TNFSF4: variants seen among roughly 807,000 people sequenced by gnomAD.
TNFSF4 encodes tumor necrosis factor ligand superfamily member 4.
TNFSF4 carries 4 observed loss-of-function variants against 7.3 expected under a neutral mutation model. That is an observed-to-expected ratio of 0.55 (90% CI 0.27 to 1.25). The LOEUF (loss-of-function observed/expected upper bound fraction) is 1.25, where lower values mean the gene tolerates loss of function less well. Among genes scored for constraint, TNFSF4 ranks in the 50% most tolerant of loss-of-function variants. The pLI is 0.12. For synonymous variants in TNFSF4, 76 were observed against 83.7 expected, an observed-to-expected ratio of 0.91 and a Z score of 0.50; for missense variants, 181 against 208.8, an observed-to-expected ratio of 0.87 and a Z score of 0.82.
chr1:173,181,067 T>C (rs895665121), downstream of TNFSF4, among the ~76,000 whole-genome samples: 4 of 152,228 alleles, frequency 2.6e-5, no homozygotes, highest in African/African-American at 7.2e-5. Flanking sequence ...GGAATGATCA[T>C]AGGATTATAG....
At chr1:173,204,555 T>C (rs374365072) in intron 1 of TNFSF4, among the ~76,000 whole-genome samples, 6 of 152,202 alleles carry the variant, frequency 3.9e-5, no homozygotes, top group African/African-American at 1.4e-4. Context: ...GGCTAAAAAA[T>C]TAAATCTAAG....
chr1:173,299,165 A>G, the TNFSF4 span, among the ~76,000 whole-genome samples: 1 of 151,978 alleles, frequency 6.6e-6, no homozygotes, highest in African/African-American at 2.4e-5. Context: ...TCAACAGCCC[A>G]TAAATCCTGA....
At chr1:173,310,222 G>C in the TNFSF4 span, among the ~76,000 whole-genome samples, 1 of 151,684 alleles carries the variant, frequency 6.6e-6, no homozygotes, top group Non-Finnish European at 1.5e-5. Context: ...CTAAATTCTT[G>C]AGATAGATGA....
chr1:173,362,486 G>T, the TNFSF4 span: 7 of 537,186 alleles, frequency 1.3e-5, no homozygotes, highest in Non-Finnish European at 2.2e-5. Context: ...TGTTTCTCCA[G>T]CTGGGCTTGG....
At chr1:173,362,808 C>T in the TNFSF4 span, 1 of 424,794 alleles carries the variant, frequency 2.4e-6, no homozygotes, top group Non-Finnish European at 4.6e-6. Flanking sequence ...TACTGTGTTG[C>T]TTCATTAGAT....
the TNFSF4 span, among the ~76,000 whole-genome samples, chr1:173,391,814 T>A: frequency 1.3e-5 from 2 of 152,206 alleles, no homozygotes; most frequent in Non-Finnish European, 2.9e-5. Context: ...CTCTGGCTTA[T>A]AGACCATGGA....
At chr1:173,206,926 C>G (rs1434237403) in intron 1 of TNFSF4, 98 bp downstream of exon 1, 9 of 1,392,204 alleles carry the variant, frequency 6.5e-6, no homozygotes, top group South Asian at 1.6e-5. Context: ...AAACTCAACA[C>G]TTTTGGCATA....
intron 1 of TNFSF4, among the ~76,000 whole-genome samples, chr1:173,191,831 G>C (rs1005813995): frequency 3.9e-5 from 6 of 152,192 alleles, no homozygotes; most frequent in African/African-American, 1.4e-4. Context: ...AGTTTAGATA[G>C]GATAACTTAA....
the TNFSF4 span, among the ~76,000 whole-genome samples, chr1:173,301,065 T>G: frequency 6.6e-6 from 1 of 151,982 alleles, no homozygotes; most frequent in East Asian, 1.9e-4. Context: ...AATTTCTTTA[T>G]GCCTAAGTCT....
chr1:173,325,497 G>C, the TNFSF4 span, among the ~76,000 whole-genome samples: 1 of 151,962 alleles, frequency 6.6e-6, no homozygotes, highest in African/African-American at 2.4e-5. Flanking sequence ...CTAGCAGAAG[G>C]CAAGAAATAA....
the TNFSF4 span, among the ~76,000 whole-genome samples, chr1:173,423,625 T>C: frequency 6.6e-6 from 1 of 152,162 alleles, no homozygotes; most frequent in East Asian, 1.9e-4. Flanking sequence ...TTGAAGAAAC[T>C]GGTAGCTGTG....
At chr1:173,397,739 A>G in the TNFSF4 span, among the ~76,000 whole-genome samples, 1 of 152,218 alleles carries the variant, frequency 6.6e-6, no homozygotes, top group African/African-American at 2.4e-5. Flanking sequence ...AAAGGCTTCC[A>G]CTTTTCCCCA....
In TNFSF4 at chr1:173,207,188, G is replaced by C. The variant is rs1650232884; in HGVS notation, c.-12C>G. 1 of 1,598,974 alleles carries C rather than the reference G, an allele frequency of 6.3e-7. No homozygotes were observed. Among genetic ancestry groups the C allele is most frequent in the South Asian group, 1.1e-5 (1 of 89,868 alleles). ...TGGACCCTTTCCATCTTCACAATCT[G>C]GGTAGAGGGAAGATGAAGATATGGA... On this transcript the variant is annotated 5_prime_UTR_variant, in exon 1 of 3. Coordinates refer to ENST00000281834, the MANE Select transcript of TNFSF4 (RefSeq NM_003326.5).
At chr1:173,256,378 GTGATCTCACA>G in the TNFSF4 span, among the ~76,000 whole-genome samples, 1 of 152,104 alleles carries the variant, frequency 6.6e-6, no homozygotes, top group Non-Finnish European at 1.5e-5. Flanking sequence ...CCTTCTCGCT[GTGATCTCACA>G]TGGCAGAGAG....
At chr1:173,384,431 T>C in the TNFSF4 span, among the ~76,000 whole-genome samples, 1 of 152,172 alleles carries the variant, frequency 6.6e-6, no homozygotes, top group African/African-American at 2.4e-5. Flanking sequence ...CAGTACACAA[T>C]ATTGTTCTCA....
chr1:173,346,300 T>A, the TNFSF4 span, among the ~76,000 whole-genome samples: 4 of 151,796 alleles, frequency 2.6e-5, no homozygotes, highest in Non-Finnish European at 5.9e-5. Context: ...GTAGGGAAAA[T>A]ACCTGCATAC....
chr1:173,395,377 AATATATATATATAT>A, the TNFSF4 span, among the ~76,000 whole-genome samples: 215 of 63,238 alleles, frequency 3.4e-3, 6 homozygotes, highest in East Asian at 9.0e-3. Context: ...CTGTGTATAT[AATATATATATATAT>A]ATATATATAT....
At chr1:173,353,138 AATC>A in the TNFSF4 span, among the ~76,000 whole-genome samples, 1 of 152,184 alleles carries the variant, frequency 6.6e-6, no homozygotes, top group African/African-American at 2.4e-5. Flanking sequence ...CAGTCAACGC[AATC>A]ATCACAGGGT....
the TNFSF4 span, among the ~76,000 whole-genome samples, chr1:173,353,111 T>C: frequency 1.3e-5 from 2 of 152,142 alleles, no homozygotes; most frequent in Non-Finnish European, 2.9e-5. Flanking sequence ...AAACACACGC[T>C]TTATGAACAA....
Sources: allele counts gnomAD v4.1 joint callset (sites outside exome capture counted in the v4.1 genomes callset), GRCh38; gene constraint gnomAD v4.1.1; transcripts MANE v1.5; gene names NCBI Gene and HGNC (gene_info 2026-07-23, HGNC 2026-07-21).